The following SEZ6L variants were observed in gnomAD, a reference collection of about 807,000 sequenced individuals.
SEZ6L encodes seizure related 6 homolog like, also known as seizure 6-like protein.
In SEZ6L, 37 loss-of-function variants were observed where a neutral mutation model predicts 106.2. The ratio of observed to expected loss-of-function variants is 0.35; its 90% confidence interval spans 0.27 to 0.46. The LOEUF (loss-of-function observed/expected upper bound fraction) is 0.46. Among genes scored for constraint, SEZ6L ranks in the 20% least tolerant of loss-of-function variants. The pLI, the probability that SEZ6L is intolerant of heterozygous loss-of-function variation, is 1.00. For missense variants in SEZ6L, 1,172 were observed against 1,332.8 expected (o/e 0.88, Z 1.88); for synonymous variants, 541 against 570.4 (o/e 0.95, Z 0.73).
intron 1 of SEZ6L, among the ~76,000 whole-genome samples, chr22:26,248,939 T>G (rs530202199): frequency 6.6e-6 from 1 of 152,172 alleles, no homozygotes; most frequent in African/African-American, 2.4e-5. Flanking sequence ...TTTCTCCTGA[T>G]AAGAACTGTC....
rs1233116514 is a variant in SEZ6L at position 26,351,509 on chromosome 22, GTTTT to G, written c.2599+270_2599+273del. On this transcript the variant is annotated intron_variant, in intron 12 of 16. Coordinates refer to ENST00000248933, the MANE Select transcript of SEZ6L (RefSeq NM_021115.5). ...TAGCCCTGGGAGCATAGTATACTTT[GTTTT>G]TTTGTTTGTTTGTTTGTTTGTTTGT... The G allele has an allele frequency of 5.9e-4, 202 of 344,834 alleles. 1 individual carries two copies. The Middle Eastern group carries it at 7.3e-3, about 12-fold the overall frequency. The allele number at this position is 344,834 out of a possible 1,614,324, so 21.4% of individuals were successfully genotyped here.
chr22:26,372,986 G>A (rs888271777), intron 13 of SEZ6L, among the ~76,000 whole-genome samples: 3 of 152,150 alleles, frequency 2.0e-5, no homozygotes, highest in African/African-American at 7.2e-5. Flanking sequence ...ACATAATTGA[G>A]AGCAGAAACC....
intron 9 of SEZ6L, among the ~76,000 whole-genome samples, chr22:26,337,117 G>A (rs112181738): frequency 6.6e-6 from 1 of 151,952 alleles, no homozygotes; most frequent in African/African-American, 2.4e-5. Flanking sequence ...TGACATAGAC[G>A]AGGAATATTA....
intron 5 of SEZ6L, 87 bp from the exon 6 acceptor site, chr22:26,305,892 C>G: frequency 3.9e-6 from 4 of 1,038,016 alleles, no homozygotes; most frequent in Non-Finnish European, 5.5e-6. Flanking sequence ...ACTTCCTTCT[C>G]TCTCTCTCTC....
At chr22:26,377,931 G>A (rs760997428) in intron 16 of SEZ6L, among the ~76,000 whole-genome samples, 156 bp downstream of exon 16, 1 of 152,050 alleles carries the variant, frequency 6.6e-6, no homozygotes, top group Non-Finnish European at 1.5e-5. Flanking sequence ...ATAAATGCTG[G>A]GAGAACCCAG....
intron 13 of SEZ6L, among the ~76,000 whole-genome samples, chr22:26,367,493 G>A (rs965889589): frequency 6.6e-6 from 1 of 152,046 alleles, no homozygotes; most frequent in African/African-American, 2.4e-5. Context: ...ACAAGTGCAC[G>A]CCACCACGCC....
intron 9 of SEZ6L, among the ~76,000 whole-genome samples, chr22:26,328,243 G>A (rs1447879493): frequency 1.3e-5 from 2 of 152,188 alleles, no homozygotes; most frequent in East Asian, 1.9e-4. Context: ...CTGAGGTCTC[G>A]TCACACCAGG....
intron 10 of SEZ6L, among the ~76,000 whole-genome samples, chr22:26,344,768 G>A (rs183830332): frequency 8.5e-5 from 13 of 152,230 alleles, no homozygotes; most frequent in East Asian, 5.8e-4. Flanking sequence ...ACACAACATC[G>A]TCATATCCTG....
At chr22:26,322,148 G>A (rs1389633488) in intron 9 of SEZ6L, among the ~76,000 whole-genome samples, 1 of 152,178 alleles carries the variant, frequency 6.6e-6, no homozygotes, top group Non-Finnish European at 1.5e-5. Context: ...CACATTGCAT[G>A]GTATCTGGCA....
chr22:26,376,206 GAA>G lies in SEZ6L; in HGVS notation c.2942+527_2942+528del, dbSNP rs35615266. ...CTCGGTTCCAGAAACATCATTTGTG[GAA>G]AAAAAAAAATAGAAGGAAATATTTG... On this transcript the variant is annotated intron_variant, in intron 15 of 16. Transcript: ENST00000248933. 2.6e-3 allele frequency among the ~76,000 whole-genome samples: 394 copies of G among 149,246 alleles called. 1 individual carries two copies. The highest frequency in any genetic ancestry group is 9.0e-3 in the African/African-American group (367 of 40,730).
At chr22:26,211,997 C>T (rs2078174600) in intron 1 of SEZ6L, among the ~76,000 whole-genome samples, 1 of 151,778 alleles carries the variant, frequency 6.6e-6, no homozygotes, top group African/African-American at 2.4e-5. Flanking sequence ...TTCAGCTAGA[C>T]CTGATGGCTG....
intron 5 of SEZ6L, among the ~76,000 whole-genome samples, chr22:26,305,753 C>T (rs1384357459): frequency 6.6e-6 from 1 of 152,198 alleles, no homozygotes; most frequent in East Asian, 1.9e-4. Context: ...TCCTGTCAAA[C>T]AGGATTCCCT....
chr22:26,290,265 C>T (rs1034380562), intron 1 of SEZ6L, among the ~76,000 whole-genome samples: 6 of 152,224 alleles, frequency 3.9e-5, no homozygotes, highest in Admixed American at 6.5e-5. Context: ...GGCGCGGTGG[C>T]TCACGCCTGT....
chr22:26,362,436 C>G (rs1385153161), intron 12 of SEZ6L, among the ~76,000 whole-genome samples: 1 of 152,226 alleles, frequency 6.6e-6, no homozygotes, highest in African/African-American at 2.4e-5. Context: ...ATTCCAACAG[C>G]CCCTTCCCTT....
intron 15 of SEZ6L, among the ~76,000 whole-genome samples, chr22:26,376,819 G>A (rs2084242716): frequency 1.3e-5 from 2 of 152,156 alleles, no homozygotes; most frequent in Non-Finnish European, 2.9e-5. Flanking sequence ...ATGTGCAAAG[G>A]TCCTGAGGCA....
intron 15 of SEZ6L, 90 bp downstream of exon 15, chr22:26,375,779 C>A: frequency 1.1e-6 from 1 of 897,560 alleles, no homozygotes; most frequent in Non-Finnish European, 1.7e-6. Flanking sequence ...GCCTCAGGGT[C>A]TCCACCTGGA....
At chr22:26,265,542 T>C (rs1388842151) in intron 1 of SEZ6L, among the ~76,000 whole-genome samples, 2 of 152,206 alleles carry the variant, frequency 1.3e-5, no homozygotes, top group Non-Finnish European at 1.5e-5. Context: ...TCGTGTCTTT[T>C]CTCTCTTCCT....
chr22:26,229,053 G>A (rs1437745557), intron 1 of SEZ6L, among the ~76,000 whole-genome samples: 2 of 152,218 alleles, frequency 1.3e-5, no homozygotes, highest in Non-Finnish European at 2.9e-5. Context: ...GCTGGACCGT[G>A]TGGCATGATC....
At chr22:26,318,402 C>T in intron 9 of SEZ6L, among the ~76,000 whole-genome samples, 1 of 116,788 alleles carries the variant, frequency 8.6e-6, no homozygotes, top group African/African-American at 3.6e-5. Context: ...AATAGCATCC[C>T]CTCCTCCAAA....
Sources: allele counts gnomAD v4.1 joint callset (sites outside exome capture counted in the v4.1 genomes callset), GRCh38; gene constraint gnomAD v4.1.1; transcripts MANE v1.5; gene names NCBI Gene and HGNC (gene_info 2026-07-23, HGNC 2026-07-21).